The following PDE1A variants were observed in gnomAD, a reference collection of about 807,000 sequenced individuals.
PDE1A encodes the protein phosphodiesterase 1A, also known as dual specificity calcium/calmodulin-dependent 3',5'-cyclic nucleotide phosphodiesterase 1A.
In PDE1A, 35 loss-of-function variants were observed where a neutral mutation model predicts 61.7. That is an observed-to-expected ratio of 0.57 (90% CI 0.43 to 0.75). PDE1A has a LOEUF of 0.75. PDE1A is among the 30% of genes least tolerant of loss of function. The probability of loss-of-function intolerance (pLI) is 0.00; values close to 1 mark genes in which losing one functional copy is unlikely to be tolerated. For synonymous variants in PDE1A, 232 were observed against 213.2 expected, an observed-to-expected ratio of 1.09 and a Z score of -0.77; for missense variants, 597 against 630.6, an observed-to-expected ratio of 0.95 and a Z score of 0.57.
intron 1 of PDE1A, among the ~76,000 whole-genome samples, chr2:182,404,662 T>C (rs893703052): frequency 6.6e-6 from 1 of 152,210 alleles, no homozygotes; most frequent in African/African-American, 2.4e-5. Flanking sequence ...TTTTTAAATA[T>C]TTTGTGTAAA....
intron 2 of PDE1A, among the ~76,000 whole-genome samples, chr2:182,493,773 T>G (rs1048815194): frequency 4.6e-5 from 7 of 152,160 alleles, no homozygotes; most frequent in Non-Finnish European, 1.0e-4. Context: ...ATGTCCTTTG[T>G]AGGAACATGG....
At chr2:182,277,802 G>T (rs75260992) in intron 1 of PDE1A, among the ~76,000 whole-genome samples, 222 of 152,064 alleles carry the variant, frequency 1.5e-3, no homozygotes, top group Non-Finnish European at 1.5e-3. Flanking sequence ...GTTTCAGCAG[G>T]TGTTTCAGAT....
chr2:182,290,306 T>A (rs1694443681), intron 1 of PDE1A, among the ~76,000 whole-genome samples: 1 of 152,088 alleles, frequency 6.6e-6, no homozygotes, highest in Non-Finnish European at 1.5e-5. Context: ...TCTGGGTAAG[T>A]CATCTTTTTT....
the PDE1A span, among the ~76,000 whole-genome samples, chr2:182,608,446 G>A: frequency 2.0e-5 from 3 of 152,202 alleles, no homozygotes; most frequent in Non-Finnish European, 2.9e-5. Context: ...CTCAGCTTGC[G>A]AGGAGATGTG....
At chr2:182,527,092 A>AT (rs35623141), upstream of PDE1A, among the ~76,000 whole-genome samples, 9,908 of 150,748 alleles carry the variant, frequency 0.066, 357 homozygotes, top group Middle Eastern at 0.1. Flanking sequence ...AGTAAAAAGA[A>AT]TTTTTTTAAT....
intron 2 of PDE1A, among the ~76,000 whole-genome samples, chr2:182,493,876 G>A (rs572726779): frequency 6.6e-6 from 1 of 152,344 alleles, no homozygotes; most frequent in African/African-American, 2.4e-5. Flanking sequence ...CTGGCCTCAA[G>A]TGATCCTCCT....
chr2:182,687,033 G>A, the PDE1A span, among the ~76,000 whole-genome samples: 2 of 152,210 alleles, frequency 1.3e-5, no homozygotes. Context: ...GCAGCCCGCT[G>A]GGAAGCTTGA....
At chr2:182,690,093 C>A in the PDE1A span, among the ~76,000 whole-genome samples, 28 of 152,236 alleles carry the variant, frequency 1.8e-4, no homozygotes, top group South Asian at 5.6e-3. Context: ...CCGAATTCTA[C>A]CAGAGGTATA....
At position 182,267,429 on chromosome 2, in the gene PDE1A, GCACACACA is replaced by G. The variant is rs67567300; in HGVS notation, c.54-3023_54-3016del. On this transcript the variant is annotated intron_variant, in intron 1 of 13. Transcript: ENST00000351439. ...AAACCATATCCCCTCATGCACACAT[GCACACACA>G]CACACACACACACACACACACGCCT... 2.4e-3 allele frequency among the ~76,000 whole-genome samples: 350 copies of G among 146,898 alleles called. 1 individual carries two copies. Among genetic ancestry groups the G allele is most frequent in the African/African-American group, 7.5e-3 (302 of 40,218 alleles).
At chr2:182,569,932 C>T in the PDE1A span, among the ~76,000 whole-genome samples, 1 of 152,202 alleles carries the variant, frequency 6.6e-6, no homozygotes, top group African/African-American at 2.4e-5. Flanking sequence ...CTGTCCCAGA[C>T]CTCATGCAAA....
At chr2:182,586,765 A>G in the PDE1A span, among the ~76,000 whole-genome samples, 2 of 152,128 alleles carry the variant, frequency 1.3e-5, no homozygotes, top group Admixed American at 1.3e-4. Context: ...GAAAATCACT[A>G]TTTTACACTG....
intron 2 of PDE1A, among the ~76,000 whole-genome samples, chr2:182,494,907 C>T (rs1688617635): frequency 6.6e-6 from 1 of 152,160 alleles, no homozygotes. Context: ...ATTCCCTTCT[C>T]CCAACAGAAT....
chr2:182,270,144 C>T (rs781515089), intron 1 of PDE1A, among the ~76,000 whole-genome samples: 38 of 152,050 alleles, frequency 2.5e-4, no homozygotes, highest in Non-Finnish European at 5.3e-4. Context: ...ACTTCCTTAC[C>T]TTCTAACGAT....
At chr2:182,439,152 T>C (rs1684632869) in intron 2 of PDE1A, among the ~76,000 whole-genome samples, 1 of 151,956 alleles carries the variant, frequency 6.6e-6, no homozygotes. Context: ...CCCAGATTGG[T>C]AATAAGAAGA....
chr2:182,650,912 T>C, the PDE1A span, among the ~76,000 whole-genome samples: 25 of 152,248 alleles, frequency 1.6e-4, no homozygotes, highest in Non-Finnish European at 3.2e-4. Flanking sequence ...ATATCTGCCT[T>C]CATGTTACAT....
chr2:182,430,996 A>T (rs1291668654), upstream of PDE1A, among the ~76,000 whole-genome samples: 1 of 137,380 alleles, frequency 7.3e-6, no homozygotes, highest in African/African-American at 2.6e-5. Flanking sequence ...TGGGAGATAT[A>T]CCTAATGCTA....
At chr2:182,643,581 T>C in the PDE1A span, among the ~76,000 whole-genome samples, 4 of 152,320 alleles carry the variant, frequency 2.6e-5, no homozygotes, top group East Asian at 5.8e-4. Flanking sequence ...TTTTGAGTTA[T>C]AGTTCTAAGA....
At chr2:182,629,723 C>G in the PDE1A span, among the ~76,000 whole-genome samples, 16 of 152,078 alleles carry the variant, frequency 1.1e-4, no homozygotes, top group Non-Finnish European at 1.6e-4. Flanking sequence ...TTCATTGGTG[C>G]TATTATTTTT....
the PDE1A span, among the ~76,000 whole-genome samples, chr2:182,548,854 C>CT: frequency 7.9e-5 from 12 of 152,274 alleles, no homozygotes; most frequent in African/African-American, 2.9e-4. Context: ...TGCATGTCCT[C>CT]TAAGTGTGTG....
Sources: allele counts gnomAD v4.1 joint callset (sites outside exome capture counted in the v4.1 genomes callset), GRCh38; gene constraint gnomAD v4.1.1; transcripts MANE v1.5; gene names NCBI Gene and HGNC (gene_info 2026-07-23, HGNC 2026-07-21).